Variants in PTPN1 observed in about 807,000 individuals in gnomAD.
The protein encoded by PTPN1 is tyrosine-protein phosphatase non-receptor type 1.
A neutral mutation model predicts 59.9 loss-of-function variants in PTPN1; 12 were observed. The observed-to-expected ratio is 0.20, with a 90% CI of 0.13 to 0.32. The LOEUF is 0.32. Among genes scored for constraint, PTPN1 ranks in the 10% least tolerant of loss-of-function variants. The pLI, the probability that PTPN1 is intolerant of heterozygous loss-of-function variation, is 1.00. For synonymous variants in PTPN1, 178 were observed against 203.6 expected, an observed-to-expected ratio of 0.87 and a Z score of 1.07; for missense variants, 356 against 549.2, an observed-to-expected ratio of 0.65 and a Z score of 3.52.
At chr20:50,541,484 C>T (rs2082652069) in intron 1 of PTPN1, among the ~76,000 whole-genome samples, 1 of 152,200 alleles carries the variant, frequency 6.6e-6, no homozygotes, top group African/African-American at 2.4e-5. Context: ...TCTGTCATCT[C>T]TTCTGGGAAG....
At chr20:50,528,148 C>A (rs996225946) in intron 1 of PTPN1, among the ~76,000 whole-genome samples, 1 of 152,164 alleles carries the variant, frequency 6.6e-6, no homozygotes, top group African/African-American at 2.4e-5. Context: ...TCTTTCCAGT[C>A]ACATTTTGTA....
chr20:50,527,287 T>C (rs1044218202), intron 1 of PTPN1, among the ~76,000 whole-genome samples: 1 of 152,190 alleles, frequency 6.6e-6, no homozygotes, highest in Admixed American at 6.5e-5. Context: ...CATCTTCCAG[T>C]CACTCTGTGT....
At chr20:50,571,018 A>T (rs1375274759) in intron 4 of PTPN1, 1 of 152,270 alleles carries the variant, frequency 6.6e-6, no homozygotes, top group African/African-American at 2.4e-5. Flanking sequence ...AGTGTTTGGC[A>T]AAACCTCTTT....
At chr20:50,526,003 A>AC (rs1212229389) in intron 1 of PTPN1, among the ~76,000 whole-genome samples, 2 of 151,962 alleles carry the variant, frequency 1.3e-5, no homozygotes, top group Non-Finnish European at 2.9e-5. Flanking sequence ...TCTGCAGAAG[A>AC]CCCCAGTTTG....
Position 50,561,462 on chromosome 20 carries a change from C to T in PTPN1, c.154+9C>T. 1 of 1,581,388 alleles carries T rather than the reference C, an allele frequency of 6.3e-7. No homozygotes were observed. Reference sequence around the variant, plus strand: ...CAGAGACGTCAGTCCCTGTAAGTATCCACGTGGCCGGTACCAGTCTTGCTC... The same window carrying T: ...CAGAGACGTCAGTCCCTGTAAGTATTCACGTGGCCGGTACCAGTCTTGCTC... On this transcript the variant is annotated intron_variant, in intron 2 of 9. Coordinates refer to ENST00000371621, the MANE Select transcript of PTPN1 (RefSeq NM_002827.4).
chr20:50,539,684 T>G, intron 1 of PTPN1, among the ~76,000 whole-genome samples: 1 of 131,628 alleles, frequency 7.6e-6, no homozygotes, highest in South Asian at 2.7e-4. Context: ...AGACAGGATC[T>G]CACCCTGTTG....
chr20:50,521,903 GT>G (rs1458785966), intron 1 of PTPN1, among the ~76,000 whole-genome samples: 4 of 152,190 alleles, frequency 2.6e-5, no homozygotes, highest in Admixed American at 2.6e-4. Flanking sequence ...GTTTACCACA[GT>G]CCCACAGTGG....
At chr20:50,578,196 A>G (rs1352038647) in intron 5 of PTPN1, among the ~76,000 whole-genome samples, 2 of 152,168 alleles carry the variant, frequency 1.3e-5, no homozygotes, top group African/African-American at 4.8e-5. Flanking sequence ...TCCGAAGGGA[A>G]ATGAAGTCTA....
At chr20:50,543,165 A>G (rs1227277756) in intron 1 of PTPN1, among the ~76,000 whole-genome samples, 4 of 152,224 alleles carry the variant, frequency 2.6e-5, no homozygotes, top group Non-Finnish European at 4.4e-5. Flanking sequence ...TAATGTTTTC[A>G]ATATTTTCTT....
intron 1 of PTPN1, among the ~76,000 whole-genome samples, chr20:50,523,512 C>A (rs2082560238): frequency 1.3e-5 from 2 of 152,168 alleles, no homozygotes; most frequent in African/African-American, 4.8e-5. Flanking sequence ...GTCAATCTTT[C>A]ATTTGCTTTT....
intron 1 of PTPN1, among the ~76,000 whole-genome samples, chr20:50,514,644 G>T (rs1001430896): frequency 1.3e-5 from 2 of 152,284 alleles, no homozygotes; most frequent in African/African-American, 2.4e-5. Context: ...GATTGCAGGC[G>T]TGAGCAGGTA....
chr20:50,539,746 C>T (rs1438343343), intron 1 of PTPN1, among the ~76,000 whole-genome samples: 1 of 148,398 alleles, frequency 6.7e-6, no homozygotes. Flanking sequence ...TTTTGAACTC[C>T]TGGGCTTGAG....
intron 1 of PTPN1, among the ~76,000 whole-genome samples, chr20:50,552,983 C>A (rs930712170): frequency 1.7e-4 from 26 of 152,190 alleles, no homozygotes; most frequent in Non-Finnish European, 3.5e-4. Flanking sequence ...GCCCAACCTT[C>A]TCCTTTTATT....
At chr20:50,526,619 CCTT>C (rs1411271457) in intron 1 of PTPN1, among the ~76,000 whole-genome samples, 13 of 152,298 alleles carry the variant, frequency 8.5e-5, no homozygotes, top group Non-Finnish European at 1.8e-4. Flanking sequence ...TAAGCTCAGA[CCTT>C]CTGCTCTCTA....
At chr20:50,534,740 T>C (rs532084414) in intron 1 of PTPN1, among the ~76,000 whole-genome samples, 1 of 152,046 alleles carries the variant, frequency 6.6e-6, no homozygotes, top group Non-Finnish European at 1.5e-5. Context: ...CTTTTTTTTT[T>C]AAAGAGATGC....
Position 50,578,578 on chromosome 20 carries a change from A to G in PTPN1, c.651A>G (p.Ala217=), listed in dbSNP as rs1192591988. 8.1e-6 allele frequency: 13 copies of G among 1,614,092 alleles called. No homozygotes were observed. The highest frequency in any genetic ancestry group is 2.7e-5 in the African/African-American group (2 of 74,932). The change falls in exon 6 of 10, where the codon GCA becomes GCG. Residue 217 remains alanine, a synonymous_variant. Coordinates refer to ENST00000371621, the MANE Select transcript of PTPN1 (RefSeq NM_002827.4). ...EHGPVVVHCS[A]GIGRSGTFCL... ...GGCCCGTTGTGGTGCACTGCAGTGC[A>G]GGCATCGGCAGGTCTGGAACCTTCT...
chr20:50,544,680 G>A (rs2082667131), intron 1 of PTPN1, among the ~76,000 whole-genome samples: 1 of 152,180 alleles, frequency 6.6e-6, no homozygotes, highest in Non-Finnish European at 1.5e-5. Context: ...CACTGGGGAC[G>A]TCCGAGAGAC....
chr20:50,554,293 G>A (rs1032599282), intron 1 of PTPN1, among the ~76,000 whole-genome samples: 1 of 152,078 alleles, frequency 6.6e-6, no homozygotes, highest in Non-Finnish European at 1.5e-5. Flanking sequence ...AGGCTAAGAA[G>A]GGAGGATTGC....
chr20:50,530,946 C>T (rs1363368362), intron 1 of PTPN1, among the ~76,000 whole-genome samples: 1 of 152,086 alleles, frequency 6.6e-6, no homozygotes, highest in Non-Finnish European at 1.5e-5. Flanking sequence ...TCAAGCAGTC[C>T]TCCTGCCTTG....
Sources: allele counts gnomAD v4.1 joint callset (sites outside exome capture counted in the v4.1 genomes callset), GRCh38; gene constraint gnomAD v4.1.1; transcripts MANE v1.5; gene names NCBI Gene and HGNC (gene_info 2026-07-23, HGNC 2026-07-21).